Variants in FAM124A observed in about 807,000 individuals in gnomAD.
FAM124A encodes the protein family with sequence similarity 124 member A.
Under a neutral mutation model 24.5 loss-of-function variants are expected in FAM124A, and 23 were observed. The ratio of observed to expected loss-of-function variants is 0.94; its 90% CI spans 0.68 to 1.33. FAM124A has a LOEUF of 1.33. FAM124A is among the 40% of genes most tolerant of loss of function. FAM124A has a pLI of 0.00. For synonymous variants in FAM124A, 287 were observed against 314.7 expected (o/e 0.91, Z 0.93); for missense variants, 623 against 722.8 (o/e 0.86, Z 1.58).
chr13:51,259,451 A>T (rs1954710416), intron 3 of FAM124A, among the ~76,000 whole-genome samples: 1 of 151,858 alleles, frequency 6.6e-6, no homozygotes. Flanking sequence ...GTCCTTCAGA[A>T]CGCAGGGTAC....
chr13:51,238,091 C>T (rs1035715201), intron 2 of FAM124A, among the ~76,000 whole-genome samples: 2 of 152,212 alleles, frequency 1.3e-5, no homozygotes, highest in African/African-American at 4.8e-5. Context: ...CTGGGTTTTG[C>T]AGCCACTTAG....
In FAM124A at chr13:51,251,828, C is replaced by G. The variant is rs771605063; in HGVS notation, c.461C>G (p.Ala154Gly). The change falls in exon 3 of 4, where the codon GCC becomes GGC. Residue 154 changes from alanine to glycine, a missense_variant. Ala to Gly is a moderately conservative substitution (Grantham distance 60, BLOSUM62 0). Transcript: ENST00000322475. This position sits in a 1 kb window ranked among gnomAD's most constrained non-coding sequence, Gnocchi z 5.3. ...LPCSQDFFTLAPGTPLWAIRP... is the reference protein window; with the variant it reads ...LPCSQDFFTLGPGTPLWAIRP... ...TGCAGCCAGGACTTCTTCACGCTGG[C>G]CCCTGGGACGCCGCTTTGGGCCATC... 3 of 1,606,050 alleles carry G rather than the reference C, an allele frequency of 1.9e-6. No homozygotes were observed. Among genetic ancestry groups the G allele is most frequent in the South Asian group, 1.1e-5 (1 of 89,810 alleles).
At chr13:51,260,340 G>A (rs537860098) in intron 3 of FAM124A, among the ~76,000 whole-genome samples, 1 of 152,178 alleles carries the variant, frequency 6.6e-6, no homozygotes, top group Non-Finnish European at 1.5e-5. Flanking sequence ...CAGTGTCCTT[G>A]GGAAGGCCAG....
In FAM124A at chr13:51,283,818, CCTT is replaced by C. The variant is rs1350614334; in HGVS notation, c.*2566_*2568del. ...AAAGGCTAATGGCCGAGGGCTGGCTCCTTCTTTCTCCCTAATCAGTGTCCTTAT... is the reference window on the plus strand; with the variant it reads ...AAAGGCTAATGGCCGAGGGCTGGCTCCTTTCTCCCTAATCAGTGTCCTTAT... On this transcript the variant is annotated 3_prime_UTR_variant, in exon 4 of 4. Coordinates refer to ENST00000322475, the MANE Select transcript of FAM124A (RefSeq NM_001242312.2). The C allele has an allele frequency of 2.1e-5, 3 of 145,950 alleles. No individual in the cohort carries two copies. Among genetic ancestry groups the C allele is most frequent in the Admixed American group, 6.9e-5 (1 of 14,594 alleles). 9.0% of individuals were successfully genotyped at this position (145,950 alleles called of 1,614,324 possible).
intron 2 of FAM124A, among the ~76,000 whole-genome samples, chr13:51,234,472 G>A (rs1352055549): frequency 2.0e-5 from 3 of 152,182 alleles, no homozygotes; most frequent in African/African-American, 7.2e-5. Context: ...GCGTGGTGAG[G>A]TGTCCTGAGT....
At chr13:51,256,382 G>A (rs1164956184) in intron 3 of FAM124A, among the ~76,000 whole-genome samples, 1 of 152,192 alleles carries the variant, frequency 6.6e-6, no homozygotes, top group Non-Finnish European at 1.5e-5. Context: ...AAAGAGAAAA[G>A]AGCTGCAACT....
At chr13:51,277,212 G>T (rs192960297) in intron 3 of FAM124A, among the ~76,000 whole-genome samples, 31 of 151,678 alleles carry the variant, frequency 2.0e-4, no homozygotes, top group African/African-American at 7.5e-4. Flanking sequence ...TATCTTAAAT[G>T]AAATAACTCA....
chr13:51,261,163 C>T (rs9526740), intron 3 of FAM124A, among the ~76,000 whole-genome samples: 11,023 of 152,112 alleles, frequency 0.072, 489 homozygotes, highest in South Asian at 0.12. Context: ...TTATTACTCC[C>T]GCTTGGGCTC....
chr13:51,241,190 T>C (rs1224302807), intron 2 of FAM124A, among the ~76,000 whole-genome samples: 1 of 152,144 alleles, frequency 6.6e-6, no homozygotes, highest in East Asian at 1.9e-4. Flanking sequence ...TCTGCTGCCA[T>C]CCTCCCTGAA....
At chr13:51,231,213 C>G (rs991058203) in intron 1 of FAM124A, 135 bp from the exon 2 acceptor site, 4 of 909,232 alleles carry the variant, frequency 4.4e-6, no homozygotes, top group Admixed American at 3.9e-5. Context: ...ATAAAATGAG[C>G]CTTAGCACTG....
intron 1 of FAM124A, among the ~76,000 whole-genome samples, chr13:51,230,028 C>T (rs1954358467): frequency 6.6e-6 from 1 of 152,020 alleles, no homozygotes; most frequent in Non-Finnish European, 1.5e-5. Flanking sequence ...CTCCTGGCCT[C>T]TGTACAGATA....
At chr13:51,265,385 G>A (rs1383569450) in intron 3 of FAM124A, among the ~76,000 whole-genome samples, 3 of 151,772 alleles carry the variant, frequency 2.0e-5, no homozygotes, top group African/African-American at 4.8e-5. Flanking sequence ...GATCTAGTGA[G>A]AGCTGAGCAG....
At chr13:51,265,451 C>T (rs547435801) in intron 3 of FAM124A, among the ~76,000 whole-genome samples, 45 of 152,116 alleles carry the variant, frequency 3.0e-4, no homozygotes, top group Non-Finnish European at 4.7e-4. Flanking sequence ...CTCTAACCTT[C>T]AGAGCATGAA....
intron 2 of FAM124A, among the ~76,000 whole-genome samples, chr13:51,241,152 A>T (rs1954487313): frequency 6.6e-6 from 1 of 152,180 alleles, no homozygotes; most frequent in Non-Finnish European, 1.5e-5. Context: ...TTAAAACAAA[A>T]TTTTCAGAAA....
chr13:51,254,226 A>G (rs747914546), intron 3 of FAM124A, among the ~76,000 whole-genome samples: 5 of 152,184 alleles, frequency 3.3e-5, no homozygotes, highest in Middle Eastern at 3.2e-3. Flanking sequence ...GAATGGAGCT[A>G]TATATTGAAG....
chr13:51,271,581 T>C (rs2137704526), intron 3 of FAM124A, among the ~76,000 whole-genome samples: 1 of 152,184 alleles, frequency 6.6e-6, no homozygotes, highest in East Asian at 1.9e-4. Flanking sequence ...CCCCGGAGAT[T>C]CTGTTTCAGT....
intron 3 of FAM124A, among the ~76,000 whole-genome samples, chr13:51,268,920 G>A (rs1277893348): frequency 6.6e-6 from 1 of 152,240 alleles, no homozygotes; most frequent in African/African-American, 2.4e-5. Context: ...AGGCAGCAAA[G>A]CCTCAAGAGA....
At position 51,231,418 on chromosome 13, in the gene FAM124A, G is replaced by A. The variant is rs764144672; in HGVS notation, c.100+39G>A. 9 of 1,610,622 alleles carry A rather than the reference G, an allele frequency of 5.6e-6. No individual in the cohort carries two copies. The African/African-American group carries it at 1.2e-4, about 22-fold the overall frequency. ...AAACATCCTTCAGCATTGTCTAACG[G>A]TCCCCGGAGAGGTCAGTACCCTAGA... On this transcript the variant is annotated intron_variant, in intron 2 of 3. Transcript: ENST00000322475.
chr13:51,255,257 A>G (rs566502650), intron 3 of FAM124A, among the ~76,000 whole-genome samples: 1 of 152,344 alleles, frequency 6.6e-6, no homozygotes, highest in South Asian at 2.1e-4. Flanking sequence ...GAAAAATTAG[A>G]TAAACCAAGT....
Sources: gnomAD v4.1 joint callset for allele counts (sites outside exome capture counted in the v4.1 genomes callset) on GRCh38, gnomAD v4.1.1 for gene constraint, Gnocchi (gnomAD v3.1) non-coding constraint, MANE v1.5 for transcripts, NCBI Gene and HGNC (gene_info 2026-07-23, HGNC 2026-07-21) for gene names.